BBS7: variants seen among roughly 807,000 people sequenced by gnomAD.
BBS7 encodes Bardet-Biedl syndrome 7.
Under a neutral mutation model 90.3 loss-of-function variants are expected in BBS7, and 50 were observed. The ratio of observed to expected loss-of-function variants is 0.55; its 90% confidence interval spans 0.44 to 0.70. The LOEUF (loss-of-function observed/expected upper bound fraction) is 0.70, where lower values mean the gene tolerates loss of function less well. Ranked by LOEUF, BBS7 falls within the 30% of genes least tolerant of loss-of-function variation. The pLI is 0.00. For synonymous variants in BBS7, 235 were observed against 287.4 expected (o/e 0.82, Z 1.85); for missense variants, 729 against 838.9 (o/e 0.87, Z 1.62).
At chr4:121,868,935 T>G (rs762992675) in intron 1 of BBS7, among the ~76,000 whole-genome samples, 8 of 152,246 alleles carry the variant, frequency 5.3e-5, no homozygotes, top group Middle Eastern at 6.8e-3. Flanking sequence ...TTATTCTGCA[T>G]TCCAGAAAAT....
intron 10 of BBS7, among the ~76,000 whole-genome samples, chr4:121,846,204 C>G (rs1726005623): frequency 6.6e-6 from 1 of 152,110 alleles, no homozygotes; most frequent in South Asian, 2.1e-4. Context: ...TGATCATGAG[C>G]CAGTGGTATG....
At chr4:121,827,224 C>T (rs940673416) in intron 18 of BBS7, among the ~76,000 whole-genome samples, 9 of 152,152 alleles carry the variant, frequency 5.9e-5, no homozygotes, top group Non-Finnish European at 1.3e-4. Context: ...AAGGTTAAGA[C>T]ATTAAATATA....
At chr4:121,846,613 A>G (rs557837938) in intron 10 of BBS7, among the ~76,000 whole-genome samples, 1 of 152,348 alleles carries the variant, frequency 6.6e-6, no homozygotes, top group South Asian at 2.1e-4. Flanking sequence ...GTCATTAACT[A>G]TACTTGTATC....
At chr4:121,844,038 G>T in intron 11 of BBS7, 37 bp from the exon 12 acceptor site, 6 of 1,307,594 alleles carry the variant, frequency 4.6e-6, no homozygotes, top group Non-Finnish European at 6.5e-6. Flanking sequence ...GGTTGAGATG[G>T]AAAACCTAAA....
chr4:121,864,060 A>G (rs564917115), intron 2 of BBS7, among the ~76,000 whole-genome samples: 2 of 152,236 alleles, frequency 1.3e-5, no homozygotes, highest in Admixed American at 6.5e-5. Context: ...CACAAACCCT[A>G]TTGTGAACTG....
intron 18 of BBS7, among the ~76,000 whole-genome samples, chr4:121,827,005 C>T (rs956409089): frequency 6.6e-6 from 1 of 151,940 alleles, no homozygotes; most frequent in Non-Finnish European, 1.5e-5. Context: ...AACAAACAAA[C>T]AAAAAATATA....
At chr4:121,849,555 G>A (rs1402543192) in intron 8 of BBS7, among the ~76,000 whole-genome samples, 9 of 150,004 alleles carry the variant, frequency 6.0e-5, no homozygotes, top group African/African-American at 2.2e-4. Flanking sequence ...AAGGCTGGGC[G>A]CGGTGGCTCA....
In BBS7 at chr4:121,833,394, G is replaced by A. The variant is rs763160690; in HGVS notation, c.1513C>T (p.Pro505Ser). The A allele has an allele frequency of 6.2e-7, 1 of 1,613,758 alleles. No individual in the cohort carries two copies. Among genetic ancestry groups the A allele is most frequent in the Admixed American group, 1.7e-5 (1 of 60,006 alleles). ...CCTGTTAGGGTCAGTGTATTCATGG[G>A]TCTGTAATATAATAGTAGAGGCGCA... ...QRTHFIDHDR[P>S]MNTLTLTGQF... The change falls in exon 15 of 19, where the codon CCC (proline) becomes TCC (serine). Residue 505 changes from proline (P) to serine (S), a missense_variant and splice_region_variant. By Grantham distance (74) the Pro-to-Ser change is moderately conservative. Transcript: ENST00000264499.
intron 18 of BBS7, 90 bp downstream of exon 18, chr4:121,828,056 T>C: frequency 6.3e-7 from 1 of 1,577,052 alleles, no homozygotes; most frequent in South Asian, 1.2e-5. Context: ...GTAATCTTTT[T>C]ATCTTTCTGC....
chr4:121,870,387 C>G lies in BBS7; in HGVS notation c.-74G>C. 1 of 1,570,882 alleles carries G rather than the reference C, an allele frequency of 6.4e-7. No homozygotes were observed. The highest frequency in any genetic ancestry group is 1.7e-5 in the Admixed American group (1 of 59,156). On this transcript the variant is annotated 5_prime_UTR_variant, in exon 1 of 19. Coordinates refer to ENST00000264499, the MANE Select transcript of BBS7 (RefSeq NM_176824.3). ...CAGAGGCTTCGGGCCCGCAGGCCTC[C>G]GACCCAGTCAGAAGGCTGCCCGCGC...
At chr4:121,827,786 T>A in intron 18 of BBS7, 1 of 946,354 alleles carries the variant, frequency 1.1e-6, no homozygotes, top group Non-Finnish European at 1.3e-6. Flanking sequence ...TTTTTATAAT[T>A]CACAATAGCA....
chr4:121,860,016 T>G (rs1388634962), intron 4 of BBS7, among the ~76,000 whole-genome samples: 1 of 152,100 alleles, frequency 6.6e-6, no homozygotes. Context: ...GAATGTTTCA[T>G]GTATTCCTCT....
intron 9 of BBS7, among the ~76,000 whole-genome samples, chr4:121,848,341 C>T (rs879574435): frequency 6.6e-6 from 1 of 152,118 alleles, no homozygotes; most frequent in Admixed American, 6.5e-5. Flanking sequence ...AAATCTCATG[C>T]CATCCTGCTC....
intron 18 of BBS7, among the ~76,000 whole-genome samples, chr4:121,827,108 C>T (rs780780031): frequency 6.6e-6 from 1 of 152,098 alleles, no homozygotes; most frequent in Non-Finnish European, 1.5e-5. Context: ...ATGAAAAAAA[C>T]TTTGGTTTAC....
chr4:121,849,535 T>C (rs923556560), intron 8 of BBS7, among the ~76,000 whole-genome samples: 4 of 151,982 alleles, frequency 2.6e-5, no homozygotes, highest in Non-Finnish European at 5.9e-5. Context: ...TTTTAAAAAC[T>C]TACATAAGCA....
intron 5 of BBS7, among the ~76,000 whole-genome samples, 190 bp from the exon 6 acceptor site, chr4:121,855,751 C>A (rs1385241034): frequency 6.6e-6 from 1 of 151,152 alleles, no homozygotes; most frequent in Non-Finnish European, 1.5e-5. Flanking sequence ...TTGAAAACAA[C>A]ATATATACAC....
In BBS7 at chr4:121,825,267, A is replaced by G. The variant is rs868285373; in HGVS notation, c.*593T>C. The G allele has an allele frequency of 5.3e-5, 8 of 152,304 alleles. No homozygotes were observed. The highest frequency in any genetic ancestry group is 1.4e-4 in the African/African-American group (6 of 41,454). The allele number at this position is 152,304 out of a possible 1,614,324, so 9.4% of individuals were successfully genotyped here. On this transcript the variant is annotated 3_prime_UTR_variant, in exon 19 of 19. Transcript: ENST00000264499. The stretch of plus-strand genomic sequence containing the variant: ...GGAATATCAGTTGCAAATCAATCCT[A>G]TCTCCTAGAAAAAACAATTGGTAGG...
At position 121,844,533 on chromosome 4, in the gene BBS7, GT is replaced by G. The variant is rs11439023; in HGVS notation, c.1231-533del. On this transcript the variant is annotated intron_variant, in intron 11 of 18. Transcript: ENST00000264499. The stretch of plus-strand genomic sequence containing the variant: ...ACTTAAGAGAGTTTTCTGCCTTTAG[GT>G]TTTTTTTTTAATAATCTGATCTCTC... Among the ~76,000 whole-genome samples the G allele has an allele frequency of 4.7e-3, 706 of 149,628 alleles. 5 individuals carry two copies. The highest frequency in any genetic ancestry group is 0.017 in the African/African-American group (678 of 40,886).
intron 15 of BBS7, among the ~76,000 whole-genome samples, chr4:121,830,539 C>T (rs1020000582): frequency 6.6e-6 from 1 of 152,108 alleles, no homozygotes; most frequent in African/African-American, 2.4e-5. Context: ...TTAGTAAACA[C>T]ATAGTGCCAG....
Sources: allele counts gnomAD v4.1 joint callset (sites outside exome capture counted in the v4.1 genomes callset), GRCh38; gene constraint gnomAD v4.1.1; transcripts MANE v1.5; gene names NCBI Gene and HGNC (gene_info 2026-07-23, HGNC 2026-07-21).